Variants in RBBP8 observed in about 807,000 individuals in gnomAD.
RBBP8 encodes the protein RB binding protein 8, endonuclease, also known as DNA endonuclease RBBP8.
RBBP8 carries 88 observed loss-of-function variants against 108.3 expected under a neutral mutation model. The observed-to-expected ratio is 0.81, with a 90% CI of 0.68 to 0.97. RBBP8 has a LOEUF of 0.97. Ranked by LOEUF, RBBP8 falls within the 50% of genes least tolerant of loss-of-function variation. RBBP8 has a pLI of 0.00. For missense variants in RBBP8, 1,023 were observed against 1,049.0 expected, an observed-to-expected ratio of 0.98 and a Z score of 0.34; for synonymous variants, 332 against 348.2, an observed-to-expected ratio of 0.95 and a Z score of 0.52.
At chr18:23,017,429 G>A (rs960504704) in intron 17 of RBBP8, among the ~76,000 whole-genome samples, 20 of 151,612 alleles carry the variant, frequency 1.3e-4, no homozygotes, top group Non-Finnish European at 2.6e-4. Context: ...CAAGGCGGGC[G>A]GATCACGAGG....
At chr18:22,968,743 C>G (rs1190713316) in intron 4 of RBBP8, 63 bp from the exon 5 acceptor site, 3 of 1,346,146 alleles carry the variant, frequency 2.2e-6, no homozygotes, top group Non-Finnish European at 3.2e-6. Flanking sequence ...TTATAAAAGT[C>G]TTGGAATTCC....
chr18:22,979,603 T>C (rs1009906806), intron 6 of RBBP8, among the ~76,000 whole-genome samples: 2 of 152,238 alleles, frequency 1.3e-5, no homozygotes, highest in African/African-American at 2.4e-5. Context: ...GATTTGGTCA[T>C]GTAAAGCCTA....
chr18:23,004,427 C>T (rs1204070531), intron 15 of RBBP8: 1 of 152,158 alleles, frequency 6.6e-6, no homozygotes, highest in Non-Finnish European at 1.5e-5. Flanking sequence ...AAGATAAATA[C>T]CACATGTTCT....
At chr18:22,927,279 A>G (rs1474580366) in intron 3 of RBBP8, among the ~76,000 whole-genome samples, 3 of 152,218 alleles carry the variant, frequency 2.0e-5, no homozygotes, top group Non-Finnish European at 2.9e-5. Flanking sequence ...TTAATCACTT[A>G]CTTTTTAATT....
intron 4 of RBBP8, among the ~76,000 whole-genome samples, chr18:22,955,159 C>T (rs1870530071): frequency 6.6e-6 from 1 of 152,136 alleles, no homozygotes; most frequent in African/African-American, 2.4e-5. Flanking sequence ...CTAAATATTC[C>T]CTTGCCTTTC....
At chr18:22,937,868 C>G (rs536439399) in intron 2 of RBBP8, among the ~76,000 whole-genome samples, 1 of 152,102 alleles carries the variant, frequency 6.6e-6, no homozygotes, top group Admixed American at 6.5e-5. Context: ...CTCCGTTGCC[C>G]AGGCTGGAGT....
chr18:22,949,202 G>A (rs984005903), intron 3 of RBBP8, among the ~76,000 whole-genome samples: 9 of 152,084 alleles, frequency 5.9e-5, no homozygotes, highest in South Asian at 2.1e-4. Flanking sequence ...TAGGGTTCCC[G>A]TTCGTCCACT....
intron 5 of RBBP8, among the ~76,000 whole-genome samples, chr18:22,974,823 A>G (rs893215276): frequency 3.3e-5 from 5 of 152,190 alleles, no homozygotes. Context: ...ATTTGAAATT[A>G]GTAGGACTGA....
intron 2 of RBBP8, among the ~76,000 whole-genome samples, chr18:22,938,877 C>T (rs962602493): frequency 2.6e-5 from 4 of 151,896 alleles, no homozygotes; most frequent in Admixed American, 1.3e-4. Context: ...CAGATAATTA[C>T]AGTACAGTGA....
intron 4 of RBBP8, among the ~76,000 whole-genome samples, chr18:22,960,855 G>T (rs2144551403): frequency 6.6e-6 from 1 of 152,250 alleles, no homozygotes; most frequent in African/African-American, 2.4e-5. Flanking sequence ...AAATTGATTT[G>T]TAGTATATCA....
intron 12 of RBBP8, among the ~76,000 whole-genome samples, chr18:22,994,055 C>T (rs1242649790): frequency 8.4e-6 from 1 of 119,544 alleles, no homozygotes; most frequent in Non-Finnish European, 1.6e-5. Flanking sequence ...GAGTCTCGCT[C>T]TGTCGCCCAG....
chr18:23,005,962 G>A (rs1413776633), intron 15 of RBBP8, among the ~76,000 whole-genome samples: 6 of 151,948 alleles, frequency 3.9e-5, no homozygotes, highest in East Asian at 2.0e-4. Context: ...CGAGGCGGGC[G>A]GATCATGAGG....
intron 16 of RBBP8, among the ~76,000 whole-genome samples, chr18:23,015,896 CTTGTTT>C (rs950265632): frequency 1.3e-5 from 2 of 152,012 alleles, no homozygotes; most frequent in Non-Finnish European, 2.9e-5. Context: ...TTGCCGCCAG[CTTGTTT>C]TTGTTTTTGT....
rs1161829849 is a variant in RBBP8 at position 22,971,000 on chromosome 18, C to T, written c.361+2082C>T. Among the ~76,000 whole-genome samples, 7 of 152,050 alleles carry T rather than the reference C, an allele frequency of 4.6e-5. No homozygotes were observed. In the East Asian group the frequency reaches 7.7e-4, roughly 17 times the overall value. On this transcript the variant is annotated intron_variant, in intron 5 of 18. Coordinates refer to ENST00000327155, the MANE Select transcript of RBBP8 (RefSeq NM_002894.3). ...CATGGAATGTGAAGTAGAAATTTACCATCTTTAGAATTTGCAGGCATTCAT... is the reference window on the plus strand; with the variant it reads ...CATGGAATGTGAAGTAGAAATTTACTATCTTTAGAATTTGCAGGCATTCAT...
intron 4 of RBBP8, among the ~76,000 whole-genome samples, chr18:22,950,240 T>C (rs1911919441): frequency 6.6e-6 from 1 of 152,214 alleles, no homozygotes; most frequent in Non-Finnish European, 1.5e-5. Context: ...TTTTCCCTTT[T>C]CTGAATTGTA....
chr18:22,944,051 A>G (rs1336440831), intron 2 of RBBP8, among the ~76,000 whole-genome samples: 1 of 152,228 alleles, frequency 6.6e-6, no homozygotes, highest in Admixed American at 6.5e-5. Flanking sequence ...TCAACAGATT[A>G]CCTGTTCATA....
At chr18:22,970,083 T>C (rs1474202483) in intron 5 of RBBP8, among the ~76,000 whole-genome samples, 1 of 152,222 alleles carries the variant, frequency 6.6e-6, no homozygotes, top group Non-Finnish European at 1.5e-5. Context: ...CTTGCATACT[T>C]TAAATCATCT....
At chr18:22,949,501 T>G (rs1911844943) in intron 3 of RBBP8, 117 bp from the exon 4 acceptor site, 1 of 777,732 alleles carries the variant, frequency 1.3e-6, no homozygotes. Context: ...CAACCTGACC[T>G]TTTCAGTTGT....
chr18:22,924,128 T>G (rs1381109063), intron 3 of RBBP8, among the ~76,000 whole-genome samples: 1 of 12,970 alleles, frequency 7.7e-5, no homozygotes, highest in African/African-American at 2.3e-4. Context: ...TTGTTTTTGG[T>G]TTTTTTTTTT....
Sources: gnomAD v4.1 joint callset for allele counts (sites outside exome capture counted in the v4.1 genomes callset) on GRCh38, gnomAD v4.1.1 for gene constraint, MANE v1.5 for transcripts, NCBI Gene and HGNC (gene_info 2026-07-23, HGNC 2026-07-21) for gene names.